Variants in RUBCNL observed in about 807,000 individuals in gnomAD.
RUBCNL encodes the protein protein associated with UVRAG as autophagy enhancer.
Under a neutral mutation model 69.5 loss-of-function variants are expected in RUBCNL, and 62 were observed. The ratio of observed to expected loss-of-function variants is 0.89; its 90% CI spans 0.73 to 1.10. The LOEUF (loss-of-function observed/expected upper bound fraction) is 1.10, where lower values mean the gene tolerates loss of function less well. Ranked by LOEUF, RUBCNL falls within the 50% of genes least tolerant of loss-of-function variation. The pLI is 0.00. For synonymous variants in RUBCNL, 291 were observed against 303.6 expected, an observed-to-expected ratio of 0.96 and a Z score of 0.43; for missense variants, 768 against 798.1, an observed-to-expected ratio of 0.96 and a Z score of 0.45.
chr13:46,386,597 T>C (rs1000389432), intron 1 of RUBCNL, among the ~76,000 whole-genome samples: 2 of 55,906 alleles, frequency 3.6e-5, no homozygotes, highest in Admixed American at 2.2e-4. Flanking sequence ...GGCGGGGGGT[T>C]GGGGGCGAGA....
At chr13:46,384,280 G>A (rs533373465) in intron 1 of RUBCNL, among the ~76,000 whole-genome samples, 3 of 152,132 alleles carry the variant, frequency 2.0e-5, no homozygotes, top group Non-Finnish European at 4.4e-5. Flanking sequence ...TCATTTCCAA[G>A]TAAATACAGA....
intron 9 of RUBCNL, among the ~76,000 whole-genome samples, chr13:46,358,091 A>T (rs553291466): frequency 1.1e-4 from 17 of 152,294 alleles, no homozygotes; most frequent in African/African-American, 3.9e-4. Context: ...GACCTAGGAA[A>T]CCCCTAAAGA....
At position 46,372,228 on chromosome 13, in the gene RUBCNL, T is replaced by C; in HGVS notation, c.248A>G (p.Asp83Gly). The stretch of plus-strand genomic sequence containing the variant: ...TGAAGGGCCTGAGGGAGAGGCAGCA[T>C]CTGTCACAAAATGGGTCCCACTGTT... ...AGNSGTHFVT[D>G]AASPSGPSPS... The change falls in exon 3 of 15, where the codon GAT (aspartate) becomes GGT (glycine). Residue 83 changes from aspartate (D) to glycine (G), a missense_variant. By Grantham distance (94) the Asp-to-Gly change is moderately conservative. Coordinates refer to ENST00000429979, the MANE Select transcript of RUBCNL (RefSeq NM_025113.5). 1.2e-6 allele frequency: 2 copies of C among 1,614,008 alleles called. No individual in the cohort carries two copies. Among genetic ancestry groups the C allele is most frequent in the Middle Eastern group, 3.3e-4 (2 of 6,062 alleles).
intron 3 of RUBCNL, among the ~76,000 whole-genome samples, chr13:46,370,918 A>G (rs1486376430): frequency 3.2e-5 from 3 of 93,722 alleles, no homozygotes; most frequent in Non-Finnish European, 4.7e-5. Context: ...AAAAAATAGG[A>G]AAAAAAAAAA....
chr13:46,378,069 C>T, intron 1 of RUBCNL, 64 bp from the exon 2 acceptor site: 1 of 846,738 alleles, frequency 1.2e-6, no homozygotes, highest in Non-Finnish European at 1.8e-6. Context: ...TACTTGTTGC[C>T]ATATTGTTTG....
At chr13:46,384,082 T>C (rs769594720) in intron 1 of RUBCNL, among the ~76,000 whole-genome samples, 5 of 152,172 alleles carry the variant, frequency 3.3e-5, no homozygotes, top group Non-Finnish European at 7.3e-5. Context: ...CAGATCACCA[T>C]AAAACCAAGC....
chr13:46,361,285 A>G (rs1357099716), intron 8 of RUBCNL, among the ~76,000 whole-genome samples, 156 bp downstream of exon 8: 1 of 152,246 alleles, frequency 6.6e-6, no homozygotes, highest in Non-Finnish European at 1.5e-5. Flanking sequence ...CTGGTACACA[A>G]TAAGTACTCA....
chr13:46,352,419 A>G (rs2048389197), intron 10 of RUBCNL, among the ~76,000 whole-genome samples: 1 of 152,228 alleles, frequency 6.6e-6, no homozygotes. Flanking sequence ...ATATACTGGG[A>G]GGATTAATGA....
At position 46,378,019 on chromosome 13, in the gene RUBCNL, A is replaced by G; in HGVS notation, c.-238-14T>C. 7.0e-7 allele frequency: 1 copy of G among 1,436,898 alleles called. No homozygotes were observed. Among genetic ancestry groups the G allele is most frequent in the Non-Finnish European group, 9.4e-7 (1 of 1,058,286 alleles). The allele number at this position is 1,436,898 out of a possible 1,614,324, so 89.0% of individuals were successfully genotyped here. ...TTTTTATTTTATCTGTAAGGCAAAAAACAATTTGCCAGATGCTATGATACC... is the reference window on the plus strand; with the variant it reads ...TTTTTATTTTATCTGTAAGGCAAAAGACAATTTGCCAGATGCTATGATACC... On this transcript the variant is annotated splice_polypyrimidine_tract_variant and intron_variant, in intron 1 of 14. Coordinates refer to ENST00000429979, the MANE Select transcript of RUBCNL (RefSeq NM_025113.5).
rs2048141931 is a variant in RUBCNL at position 46,341,471 on chromosome 13, A to C, written c.*1914T>G. Among the ~76,000 whole-genome samples, 1 of 152,232 alleles carries C rather than the reference A, an allele frequency of 6.6e-6. No individual in the cohort carries two copies. Among genetic ancestry groups the C allele is most frequent in the Non-Finnish European group, 1.5e-5 (1 of 68,042 alleles). On this transcript the variant is annotated 3_prime_UTR_variant, in exon 15 of 15. Transcript: ENST00000429979. Reference sequence around the variant, plus strand: ...AAGTCTCAGACAAATCCCATACTGCAGTTATTTAAATGACCTCATTCTTCC... The same window carrying C: ...AAGTCTCAGACAAATCCCATACTGCCGTTATTTAAATGACCTCATTCTTCC...
Position 46,363,427 on chromosome 13 carries a change from G to A in RUBCNL, c.827-214C>T, listed in dbSNP as rs751628423. 3.9e-5 allele frequency among the ~76,000 whole-genome samples: 6 copies of A among 152,080 alleles called. No homozygotes were observed. The East Asian group carries it at 9.7e-4, about 25-fold the overall frequency. On this transcript the variant is annotated intron_variant, in intron 5 of 14. Coordinates refer to ENST00000429979, the MANE Select transcript of RUBCNL (RefSeq NM_025113.5). ...TAAGTGCCTGTAGTCCCAGCTATTC[G>A]GAAGGCTTTCATCACAAAGAAGCTA... is the stretch of plus-strand genomic sequence containing the variant.
chr13:46,385,695 A>C (rs2138863149), intron 1 of RUBCNL, among the ~76,000 whole-genome samples: 1 of 149,208 alleles, frequency 6.7e-6, no homozygotes, highest in Non-Finnish European at 1.5e-5. Context: ...ACAAACGTTT[A>C]CTCTTGGATG....
chr13:46,349,993 G>A lies in RUBCNL; in HGVS notation c.1569+120C>T, dbSNP rs375275795. 19 of 759,954 alleles carry A rather than the reference G, an allele frequency of 2.5e-5. No homozygotes were observed. The Admixed American group carries it at 3.0e-4, about 12-fold the overall frequency. The allele number at this position is 759,954 out of a possible 1,614,324, so 47.1% of individuals were successfully genotyped here. A position where few individuals can be genotyped will look rare whatever the true frequency, so the allele number is the denominator to read the frequency against. ...GCCCCTGCGCCCAGCCGCTTCACTC[G>A]CTTTATGATCCATTTGCCTCTTAGA... On this transcript the variant is annotated intron_variant, in intron 11 of 14. Coordinates refer to ENST00000429979, the MANE Select transcript of RUBCNL (RefSeq NM_025113.5).
At chr13:46,386,110 T>A (rs756985620) in intron 1 of RUBCNL, among the ~76,000 whole-genome samples, 1 of 152,136 alleles carries the variant, frequency 6.6e-6, no homozygotes, top group Non-Finnish European at 1.5e-5. Context: ...TGGGCAGCAA[T>A]GTGGTGATAC....
intron 13 of RUBCNL, 22 bp downstream of exon 13, chr13:46,345,425 T>C: frequency 6.4e-7 from 1 of 1,551,828 alleles, no homozygotes; most frequent in Non-Finnish European, 8.7e-7. Context: ...CGGGAACGAA[T>C]CTGCTCTGGG....
At chr13:46,344,281 T>G (rs1013922614) in intron 14 of RUBCNL, among the ~76,000 whole-genome samples, 2 of 152,146 alleles carry the variant, frequency 1.3e-5, no homozygotes, top group African/African-American at 4.8e-5. Flanking sequence ...CGGGATTCTC[T>G]CGGGCACTAA....
chr13:46,337,050 T>G lies in RUBCNL; in HGVS notation c.*6335A>C, dbSNP rs1176498651. Among the ~76,000 whole-genome samples the G allele has an allele frequency of 6.6e-6, 1 of 151,922 alleles. No individual in the cohort carries two copies. Among genetic ancestry groups the G allele is most frequent in the Non-Finnish European group, 1.5e-5 (1 of 67,980 alleles). ...GGAGGTGGAGCCTTTAGGTGGTGATTAGGTCATGAGGGTGAGGCCCTCACA... is the reference window on the plus strand; with the variant it reads ...GGAGGTGGAGCCTTTAGGTGGTGATGAGGTCATGAGGGTGAGGCCCTCACA... On this transcript the variant is annotated 3_prime_UTR_variant, in exon 15 of 15. Transcript: ENST00000429979.
Position 46,372,579 on chromosome 13 carries a change from G to A in RUBCNL, c.-104C>T. 6.8e-7 allele frequency: 1 copy of A among 1,476,532 alleles called. No individual in the cohort carries two copies. Among genetic ancestry groups the A allele is most frequent in the Non-Finnish European group, 9.0e-7 (1 of 1,111,400 alleles). 91.5% of individuals were successfully genotyped at this position (1,476,532 alleles called of 1,614,324 possible). ...CCCTGAACTCACCACATGGCCAGCT[G>A]GGGGTCTGGAGAGCTATTCTGCAAT... is the stretch of plus-strand genomic sequence containing the variant. On this transcript the variant is annotated 5_prime_UTR_variant, in exon 3 of 15. Transcript: ENST00000429979.
At position 46,340,782 on chromosome 13, in the gene RUBCNL, A is replaced by G. The variant is rs189521508; in HGVS notation, c.*2603T>C. On this transcript the variant is annotated 3_prime_UTR_variant, in exon 15 of 15. Transcript: ENST00000429979. ...AGAGGGCAGGGAGGTGCCAGGCTTC[A>G]TAACAACCAGCTCTCATGGGAACTA... Among the ~76,000 whole-genome samples the G allele has an allele frequency of 5.9e-5, 9 of 152,294 alleles. No homozygotes were observed. Among genetic ancestry groups the G allele is most frequent in the Admixed American group, 3.9e-4 (6 of 15,298 alleles).
Sources: allele counts gnomAD v4.1 joint callset (sites outside exome capture counted in the v4.1 genomes callset), GRCh38; gene constraint gnomAD v4.1.1; transcripts MANE v1.5; gene names NCBI Gene and HGNC (gene_info 2026-07-23, HGNC 2026-07-21).